MSI2: variants seen among roughly 807,000 people sequenced by gnomAD.
MSI2 encodes the protein RNA-binding protein Musashi homolog 2.
Under a neutral mutation model 45.6 loss-of-function variants are expected in MSI2, and 17 were observed. The ratio of observed to expected loss-of-function variants is 0.37; its 90% CI spans 0.26 to 0.56. The LOEUF (loss-of-function observed/expected upper bound fraction) is 0.56, where lower values mean the gene tolerates loss of function less well. Among genes scored for constraint, MSI2 ranks in the 20% least tolerant of loss-of-function variants. The pLI is 0.77. For missense variants in MSI2, 293 were observed against 444.2 expected, an observed-to-expected ratio of 0.66 and a Z score of 3.06; for synonymous variants, 156 against 158.2, an observed-to-expected ratio of 0.99 and a Z score of 0.11.
At chr17:57,510,539 T>C (rs1242198874) in intron 6 of MSI2, among the ~76,000 whole-genome samples, 1 of 152,014 alleles carries the variant, frequency 6.6e-6, no homozygotes, top group Non-Finnish European at 1.5e-5. Context: ...GTGATTCTCC[T>C]GCCTCAGCCT....
intron 8 of MSI2, among the ~76,000 whole-genome samples, chr17:57,604,468 G>A (rs983292356): frequency 2.0e-5 from 3 of 152,142 alleles, no homozygotes; most frequent in South Asian, 4.1e-4. Flanking sequence ...AGAGTATGAG[G>A]TGGGCACTCT....
chr17:57,392,376 C>T lies in MSI2; in HGVS notation c.313-9003C>T, dbSNP rs1021674755. On this transcript the variant is annotated intron_variant, in intron 5 of 13. Transcript: ENST00000284073. ...AGGGTGGGGAGCTTCAGCTCCCAGC[C>T]GAAGCATCCTGATCATTTCATTACA... 3.3e-5 allele frequency among the ~76,000 whole-genome samples: 5 copies of T among 152,118 alleles called. No individual in the cohort carries two copies. In the East Asian group the frequency reaches 5.8e-4, roughly 18 times the overall value.
At chr17:57,653,668 T>C (rs1911355127) in intron 11 of MSI2, among the ~76,000 whole-genome samples, 1 of 152,210 alleles carries the variant, frequency 6.6e-6, no homozygotes, top group Non-Finnish European at 1.5e-5. Context: ...TGTTGTTTTC[T>C]CCGTTCAGTT....
chr17:57,322,087 G>A (rs541136612), intron 5 of MSI2, among the ~76,000 whole-genome samples: 19 of 152,332 alleles, frequency 1.2e-4, no homozygotes, highest in African/African-American at 3.4e-4. Flanking sequence ...GTGAGCCACC[G>A]CGCCCAGGCC....
chr17:57,493,705 C>T (rs2085920612), intron 6 of MSI2, among the ~76,000 whole-genome samples: 2 of 151,248 alleles, frequency 1.3e-5, no homozygotes, highest in South Asian at 4.2e-4. Context: ...TTGGAGATCC[C>T]ATCATCTCAT....
intron 6 of MSI2, among the ~76,000 whole-genome samples, chr17:57,409,703 G>A (rs111642153): frequency 2.6e-5 from 4 of 152,250 alleles, no homozygotes; most frequent in Admixed American, 6.5e-5. Flanking sequence ...AGTAGTGCGT[G>A]GGAGACAGAT....
intron 5 of MSI2, among the ~76,000 whole-genome samples, chr17:57,374,514 C>T (rs1476419541): frequency 3.9e-5 from 6 of 152,192 alleles, no homozygotes; most frequent in African/African-American, 9.7e-5. Flanking sequence ...CAGTGGCTCA[C>T]GCCTGTAATC....
intron 7 of MSI2, among the ~76,000 whole-genome samples, chr17:57,575,044 A>T (rs1325660747): frequency 6.6e-6 from 1 of 151,802 alleles, no homozygotes. Context: ...GTTAGCCAGG[A>T]TGGTCTCAAT....
At chr17:57,467,656 A>G (rs2085352486) in intron 6 of MSI2, among the ~76,000 whole-genome samples, 2 of 152,080 alleles carry the variant, frequency 1.3e-5, no homozygotes, top group South Asian at 4.2e-4. Context: ...GCTGTATCCA[A>G]CCAGAGGGCA....
intron 5 of MSI2, chr17:57,365,077 T>TA (rs1917099392): frequency 1.3e-5 from 2 of 152,218 alleles, no homozygotes; most frequent in African/African-American, 2.4e-5. Flanking sequence ...CCAGCTAACT[T>TA]ACTTTTATTT....
rs904890447 is a variant in MSI2, at chr17:57,396,906, G to T, written c.313-4473G>T. Among the ~76,000 whole-genome samples, 8 of 152,186 alleles carry T rather than the reference G, an allele frequency of 5.3e-5. No individual in the cohort carries two copies. In the East Asian group the frequency reaches 9.6e-4, roughly 18 times the overall value. On this transcript the variant is annotated intron_variant, in intron 5 of 13. Transcript: ENST00000284073. ...GGAGAGGGGGCTGTCCCCACATGGT[G>T]CAAGGCTGTCGGGTAGGTATCTGGT... is the stretch of plus-strand genomic sequence containing the variant.
intron 10 of MSI2, among the ~76,000 whole-genome samples, chr17:57,643,251 A>G (rs1910388147): frequency 6.6e-6 from 1 of 152,122 alleles, no homozygotes; most frequent in Non-Finnish European, 1.5e-5. Flanking sequence ...TGGGATGAAA[A>G]TGCCCCCTCT....
intron 4 of MSI2, among the ~76,000 whole-genome samples, chr17:57,261,013 A>C (rs1907256221): frequency 6.6e-6 from 1 of 152,242 alleles, no homozygotes; most frequent in Admixed American, 6.5e-5. Flanking sequence ...AAGCCTGGAA[A>C]TAAATAACTG....
Position 57,529,857 on chromosome 17 carries a change from G to T in MSI2, c.454+133G>T, listed in dbSNP as rs2086785239. Reference sequence around the variant, plus strand: ...CAGGTAGAGGTGACCATCCATTGAAGATCTTTATTCACGGAGAGTCCCAGT... The same window carrying T: ...CAGGTAGAGGTGACCATCCATTGAATATCTTTATTCACGGAGAGTCCCAGT... On this transcript the variant is annotated intron_variant, in intron 7 of 13. Transcript: ENST00000284073. The surrounding 1 kb of genome is among the most constrained non-coding windows in gnomAD (Gnocchi z 5.3). 1.4e-6 allele frequency: 1 copy of T among 694,004 alleles called. No homozygotes were observed. 43.0% of individuals were successfully genotyped at this position (694,004 alleles called of 1,614,324 possible).
At chr17:57,369,467 G>A (rs1389727260) in intron 5 of MSI2, among the ~76,000 whole-genome samples, 2 of 152,178 alleles carry the variant, frequency 1.3e-5, no homozygotes, top group East Asian at 1.9e-4. Context: ...TTACTTAATA[G>A]GCATGCTTAA....
At chr17:57,570,555 C>T (rs1480656977) in intron 7 of MSI2, among the ~76,000 whole-genome samples, 1 of 152,204 alleles carries the variant, frequency 6.6e-6, no homozygotes, top group South Asian at 2.1e-4. Context: ...CGAATCTCTT[C>T]TCTGCAACAC....
intron 5 of MSI2, among the ~76,000 whole-genome samples, chr17:57,347,557 T>C (rs792395): frequency 0.067 from 10,165 of 152,208 alleles, 1,056 homozygotes; most frequent in African/African-American, 0.23. Context: ...TGCGTTTCTC[T>C]CTCAGCATCA....
At chr17:57,394,688 G>T (rs987240226) in intron 5 of MSI2, among the ~76,000 whole-genome samples, 1 of 152,166 alleles carries the variant, frequency 6.6e-6, no homozygotes, top group African/African-American at 2.4e-5. Context: ...CTCAAGACAG[G>T]TGTCATTTGA....
At chr17:57,404,619 G>A (rs1012393651) in intron 6 of MSI2, among the ~76,000 whole-genome samples, 2 of 152,024 alleles carry the variant, frequency 1.3e-5, no homozygotes, top group Non-Finnish European at 2.9e-5. Flanking sequence ...TCTCTTTTTA[G>A]GTCTCCTTGC....
Sources: gnomAD v4.1 joint callset for allele counts (sites outside exome capture counted in the v4.1 genomes callset) on GRCh38, gnomAD v4.1.1 for gene constraint, Gnocchi (gnomAD v3.1) non-coding constraint, MANE v1.5 for transcripts, NCBI Gene and HGNC (gene_info 2026-07-23, HGNC 2026-07-21) for gene names.